Variants in WHRN observed in about 807,000 individuals in gnomAD.
WHRN encodes whirlin.
A neutral mutation model predicts 68.3 loss-of-function variants in WHRN; 41 were observed. The ratio of observed to expected loss-of-function variants is 0.60; its 90% CI spans 0.47 to 0.78. WHRN has a LOEUF of 0.78. WHRN is among the 30% of genes least tolerant of loss of function. The pLI is 0.00. For synonymous variants in WHRN, 560 were observed against 561.3 expected (o/e 1.00, Z 0.03); for missense variants, 1,243 against 1,244.7 (o/e 1.00, Z 0.02).
In WHRN at chr9:114,478,568, T is replaced by C; in HGVS notation, c.822A>G (p.Gly274=). ...DRRSTLHLLQ[G]GDEKKVNLVL... is the part of the protein sequence containing the mutation. ...CCCCACTCACCTTTTTCTCATCCCC[T>C]CCTTGCAGGAGGTGCAGGGTGCTCC... The change falls in exon 2 of 12, where the codon GGA becomes GGG. Residue 274 remains glycine, a synonymous_variant. Coordinates refer to ENST00000362057, the MANE Select transcript of WHRN (RefSeq NM_015404.4). The C allele has an allele frequency of 6.2e-7, 1 of 1,614,056 alleles. No homozygotes were observed. Among genetic ancestry groups the C allele is most frequent in the South Asian group, 1.1e-5 (1 of 91,086 alleles).
chr9:114,469,644 G>A (rs995458518), intron 2 of WHRN, among the ~76,000 whole-genome samples: 35 of 152,292 alleles, frequency 2.3e-4, no homozygotes, highest in East Asian at 1.9e-4. Context: ...GGGACCTGCC[G>A]AGATCCGTGC....
At chr9:114,427,437 C>T (rs1030945439) in intron 3 of WHRN, among the ~76,000 whole-genome samples, 1 of 152,136 alleles carries the variant, frequency 6.6e-6, no homozygotes, top group African/African-American at 2.4e-5. Context: ...AACTGAGGTC[C>T]AAGGACGGGA....
chr9:114,499,337 T>C (rs1417844718), intron 1 of WHRN, among the ~76,000 whole-genome samples: 3 of 152,220 alleles, frequency 2.0e-5, no homozygotes, highest in Non-Finnish European at 2.9e-5. Flanking sequence ...ATTAGAAGTC[T>C]GCGTGAGTTC....
intron 2 of WHRN, among the ~76,000 whole-genome samples, chr9:114,470,398 G>C (rs1165309316): frequency 6.6e-6 from 1 of 152,182 alleles, no homozygotes; most frequent in Non-Finnish European, 1.5e-5. Flanking sequence ...TGTATGGCCA[G>C]AGCGTGGCAG....
chr9:114,486,733 G>A (rs1842498450), intron 1 of WHRN, among the ~76,000 whole-genome samples: 1 of 148,568 alleles, frequency 6.7e-6, no homozygotes, highest in Admixed American at 6.7e-5. Flanking sequence ...GTAGGCTGTG[G>A]GAATTCCATC....
chr9:114,412,565 C>T (rs112888380), intron 7 of WHRN, among the ~76,000 whole-genome samples: 4 of 152,324 alleles, frequency 2.6e-5, no homozygotes, highest in African/African-American at 7.2e-5. Flanking sequence ...ATTCAAGGCC[C>T]GACTCCATAT....
chr9:114,444,206 C>A (rs1403416493), intron 3 of WHRN, among the ~76,000 whole-genome samples: 1 of 152,216 alleles, frequency 6.6e-6, no homozygotes. Context: ...TGGAGCATAA[C>A]TTGGTTGAAA....
intron 3 of WHRN, among the ~76,000 whole-genome samples, chr9:114,462,296 C>T (rs563907525): frequency 3.3e-5 from 5 of 152,304 alleles, no homozygotes; most frequent in South Asian, 4.2e-4. Context: ...CATTTTCCTT[C>T]GCCCCAATTT....
chr9:114,429,994 C>T (rs142558804), intron 3 of WHRN, among the ~76,000 whole-genome samples: 148 of 152,348 alleles, frequency 9.7e-4, no homozygotes, highest in Middle Eastern at 3.4e-3. Context: ...CACTCTTCAT[C>T]GCGCAAGGGC....
chr9:114,402,838 G>A lies in WHRN; in HGVS notation c.2640C>T (p.Ala880=), dbSNP rs1164818851. The A allele has an allele frequency of 6.2e-6, 10 of 1,613,996 alleles. No homozygotes were observed. The highest frequency in any genetic ancestry group is 2.2e-5 in the East Asian group (1 of 44,894). ...LTLRGKEHRE[A]ARIIAEAFKT... is the part of the protein sequence containing the mutation. ...TGAAGGCCTCGGCGATAATGCGGGC[G>A]GCCTCCCGGTGCTCCTTGCCCCGAA... Residue 880 remains alanine (A), a synonymous_variant, in exon 12 of 12, where the codon GCC becomes GCT. Coordinates refer to ENST00000362057, the MANE Select transcript of WHRN (RefSeq NM_015404.4).
At chr9:114,451,475 A>T (rs1839326372) in intron 3 of WHRN, among the ~76,000 whole-genome samples, 2 of 152,198 alleles carry the variant, frequency 1.3e-5, no homozygotes, top group African/African-American at 4.8e-5. Context: ...GGCCTGCAGC[A>T]AATCATCAAT....
chr9:114,481,193 C>T (rs980046997), intron 1 of WHRN, among the ~76,000 whole-genome samples: 6 of 152,154 alleles, frequency 3.9e-5, no homozygotes, highest in Non-Finnish European at 8.8e-5. Flanking sequence ...GCAAGGCCTG[C>T]GGGAAGAGGC....
chr9:114,426,073 C>T, intron 4 of WHRN, 138 bp downstream of exon 4: 1 of 1,113,510 alleles, frequency 9.0e-7, no homozygotes, highest in East Asian at 2.5e-5. Flanking sequence ...CAGGTCATGT[C>T]CTGCCAATGG....
chr9:114,463,581 G>C (rs1045942711), intron 3 of WHRN, among the ~76,000 whole-genome samples: 15 of 152,138 alleles, frequency 9.9e-5, no homozygotes, highest in Non-Finnish European at 2.2e-4. Flanking sequence ...TTAGTTTCTC[G>C]GTCTTGACAA....
rs1474860451 is a variant in WHRN at position 114,504,166 on chromosome 9, T to A, written c.618+18A>T. 2 of 1,613,826 alleles carry A rather than the reference T, an allele frequency of 1.2e-6. No individual in the cohort carries two copies. Among genetic ancestry groups the A allele is most frequent in the East Asian group, 4.5e-5 (2 of 44,866 alleles). Reference sequence around the variant, plus strand: ...TGTCCATACTCTGCCCCAGACTCTCTCCAAACCACAGCCTTACCTTGACGG... The same window carrying A: ...TGTCCATACTCTGCCCCAGACTCTCACCAAACCACAGCCTTACCTTGACGG... On this transcript the variant is annotated intron_variant, in intron 1 of 11. Transcript: ENST00000362057.
chr9:114,483,472 T>C (rs1042035241), intron 1 of WHRN, among the ~76,000 whole-genome samples: 11 of 152,226 alleles, frequency 7.2e-5, no homozygotes, highest in African/African-American at 2.4e-4. Context: ...AAGCTGGTCA[T>C]GTTTTTTCCC....
At position 114,440,357 on chromosome 9, in the gene WHRN, G is replaced by A. The variant is rs141200563; in HGVS notation, c.964-13944C>T. Among the ~76,000 whole-genome samples, 553 of 152,072 alleles carry A rather than the reference G, an allele frequency of 3.6e-3. 1 individual carries two copies. Among genetic ancestry groups the A allele is most frequent in the African/African-American group, 0.013 (529 of 41,490 alleles). The stretch of plus-strand genomic sequence containing the variant: ...TTTCAAGTGATTCTTCTGCCTTAGC[G>A]TCTCGAGTAGCTGGGACTACAGGTG... On this transcript the variant is annotated intron_variant, in intron 3 of 11. Coordinates refer to ENST00000362057, the MANE Select transcript of WHRN (RefSeq NM_015404.4).
At chr9:114,493,854 A>AAAGTTT (rs1370372925) in intron 1 of WHRN, among the ~76,000 whole-genome samples, 1 of 152,236 alleles carries the variant, frequency 6.6e-6, no homozygotes, top group African/African-American at 2.4e-5. Context: ...CTACAAAGCC[A>AAAGTTT]TTTCCACAAG....
intron 3 of WHRN, among the ~76,000 whole-genome samples, chr9:114,444,726 A>G (rs2132630776): frequency 6.6e-6 from 1 of 152,022 alleles, no homozygotes; most frequent in Admixed American, 6.5e-5. Flanking sequence ...ATACTCTGTA[A>G]CTTGCTTTTT....
Sources: allele counts gnomAD v4.1 joint callset (sites outside exome capture counted in the v4.1 genomes callset), GRCh38; gene constraint gnomAD v4.1.1; transcripts MANE v1.5; gene names NCBI Gene and HGNC (gene_info 2026-07-23, HGNC 2026-07-21).